Variants in TBC1D4 observed in about 807,000 individuals in gnomAD.
The protein encoded by TBC1D4 is TBC (Tre-2, BUB2, CDC16) domain-containing protein.
In TBC1D4, 121 loss-of-function variants were observed where a neutral mutation model predicts 142.5. The ratio of observed to expected loss-of-function variants is 0.85; its 90% CI spans 0.73 to 0.99. The LOEUF is 0.99. Among genes scored for constraint, TBC1D4 ranks in the 50% least tolerant of loss-of-function variants. The pLI, the probability that TBC1D4 is intolerant of heterozygous loss-of-function variation, is 0.00. For missense variants in TBC1D4, 1,475 were observed against 1,606.6 expected (o/e 0.92, Z 1.40); for synonymous variants, 630 against 628.2 (o/e 1.00, Z -0.04).
intron 1 of TBC1D4, among the ~76,000 whole-genome samples, chr13:75,465,750 T>C (rs1888140053): frequency 6.6e-6 from 1 of 152,188 alleles, no homozygotes; most frequent in Non-Finnish European, 1.5e-5. Flanking sequence ...TCTTTAAGTC[T>C]GACAAGAAAC....
Position 75,292,095 on chromosome 13 carries a change from A to T in TBC1D4, c.3486+7T>A, listed in dbSNP as rs1875365573. The T allele has an allele frequency of 1.9e-6, 3 of 1,607,608 alleles. No homozygotes were observed. The African/African-American group carries it at 4.0e-5, about 21-fold the overall frequency. ...GCTATATAATACTATTAGCATTTAAATCATACCTGGGTAATAATTTTTTCC... is the reference window on the plus strand; with the variant it reads ...GCTATATAATACTATTAGCATTTAATTCATACCTGGGTAATAATTTTTTCC... On this transcript the variant is annotated splice_region_variant and intron_variant, in intron 19 of 20. Transcript: ENST00000377636.
At chr13:75,292,854 T>A (rs1161964373) in intron 18 of TBC1D4, among the ~76,000 whole-genome samples, 1 of 152,154 alleles carries the variant, frequency 6.6e-6, no homozygotes, top group East Asian at 1.9e-4. Context: ...GCAATACTTT[T>A]GAAAAGTATC....
At chr13:75,399,030 G>C (rs1189723299) in intron 1 of TBC1D4, among the ~76,000 whole-genome samples, 1 of 152,150 alleles carries the variant, frequency 6.6e-6, no homozygotes, top group Admixed American at 6.5e-5. Flanking sequence ...AAATTTGGGG[G>C]TACTACACTA....
In TBC1D4 at chr13:75,289,138, T is replaced by C. The variant is rs138989632; in HGVS notation, c.3487-28A>G. 1.8e-5 allele frequency: 29 copies of C among 1,612,532 alleles called. 1 individual carries two copies. In the African/African-American group the frequency reaches 3.5e-4, roughly 19 times the overall value. ...GCCATGAAAGTATCATGGGTTAGGC[T>C]AGCCTTTGGTATGTATAACAAGATA... On this transcript the variant is annotated intron_variant, in intron 19 of 20. Transcript: ENST00000377636.
Position 75,289,117 on chromosome 13 carries a change from T to A in TBC1D4, c.3487-7A>T, listed in dbSNP as rs770118023. 2.5e-6 allele frequency: 4 copies of A among 1,613,558 alleles called. No individual in the cohort carries two copies. The highest frequency in any genetic ancestry group is 3.4e-6 in the Non-Finnish European group (4 of 1,179,728). ...AAATATCCATCTCAAAAACCTGCCA[T>A]GAAAGTATCATGGGTTAGGCTAGCC... On this transcript the variant is annotated splice_region_variant and splice_polypyrimidine_tract_variant and intron_variant, in intron 19 of 20. Coordinates refer to ENST00000377636, the MANE Select transcript of TBC1D4 (RefSeq NM_014832.5).
chr13:75,439,966 G>C (rs996538105), intron 1 of TBC1D4, among the ~76,000 whole-genome samples: 1 of 152,100 alleles, frequency 6.6e-6, no homozygotes. Flanking sequence ...ACTATAAACA[G>C]TACCTTTTAT....
intron 6 of TBC1D4, 57 bp downstream of exon 6, chr13:75,341,439 A>G: frequency 6.5e-7 from 1 of 1,543,736 alleles, no homozygotes; most frequent in Non-Finnish European, 9.0e-7. Context: ...ACGCATAAAA[A>G]CAGGATCCAA....
chr13:75,362,283 C>G lies in TBC1D4; in HGVS notation c.823G>C (p.Asp275His), dbSNP rs774778693. The stretch of plus-strand genomic sequence containing the variant: ...CCGGCAGGTAAGCCAAGGTGGGTGT[C>G]GGTGCCGTCAGCCTCCTCCGGCAGG... ...DCLPEEADGTDTHLGLPAGAS... is the reference protein window; with the variant it reads ...DCLPEEADGTHTHLGLPAGAS... The change falls in exon 2 of 21, where the codon GAC (aspartate) becomes CAC (histidine). Residue 275 changes from aspartate (D) to histidine (H), a missense_variant. Physicochemically the swap from Asp to His is moderately conservative, Grantham distance 81. This residue lies in a region of TBC1D4 where 1,227 missense variants were observed against 1,267.7 expected (regional missense o/e 0.97). Transcript: ENST00000377636. This position sits in a 1 kb window ranked among gnomAD's most constrained non-coding sequence, Gnocchi z 4.2. 6.2e-7 allele frequency: 1 copy of G among 1,613,798 alleles called. No individual in the cohort carries two copies. The highest frequency in any genetic ancestry group is 8.5e-7 in the Non-Finnish European group (1 of 1,179,986).
chr13:75,421,454 T>A (rs1343802119), intron 1 of TBC1D4, among the ~76,000 whole-genome samples: 2 of 152,228 alleles, frequency 1.3e-5, no homozygotes, highest in African/African-American at 4.8e-5. Flanking sequence ...GACTCCTTAG[T>A]AATTTTTTAT....
At chr13:75,463,956 A>G (rs1888071117) in intron 1 of TBC1D4, among the ~76,000 whole-genome samples, 1 of 152,224 alleles carries the variant, frequency 6.6e-6, no homozygotes, top group South Asian at 2.1e-4. Context: ...TACAAGTAAC[A>G]GAAAAACCAA....
At chr13:75,287,210 C>G (rs1874778202) in intron 20 of TBC1D4, among the ~76,000 whole-genome samples, 185 bp from the exon 21 acceptor site, 1 of 152,140 alleles carries the variant, frequency 6.6e-6, no homozygotes, top group South Asian at 2.1e-4. Context: ...AACTACCATG[C>G]TTCATCTCTT....
At chr13:75,373,853 C>T (rs770574700) in intron 1 of TBC1D4, among the ~76,000 whole-genome samples, 1 of 152,096 alleles carries the variant, frequency 6.6e-6, no homozygotes, top group Non-Finnish European at 1.5e-5. Context: ...ATCAAACGCT[C>T]CCTTCCCTCC....
At chr13:75,456,282 T>C (rs1247961096) in intron 1 of TBC1D4, among the ~76,000 whole-genome samples, 1 of 152,230 alleles carries the variant, frequency 6.6e-6, no homozygotes, top group Non-Finnish European at 1.5e-5. Flanking sequence ...AAGCAATGAT[T>C]TCCTAGAAAG....
At chr13:75,413,136 T>C in intron 1 of TBC1D4, among the ~76,000 whole-genome samples, 1 of 152,004 alleles carries the variant, frequency 6.6e-6, no homozygotes, top group Non-Finnish European at 1.5e-5. Context: ...AGGTCAAAGG[T>C]GACCACTCAG....
intron 20 of TBC1D4, among the ~76,000 whole-genome samples, chr13:75,288,077 T>C (rs191719457): frequency 2.6e-5 from 4 of 152,314 alleles, no homozygotes; most frequent in African/African-American, 4.8e-5. Flanking sequence ...TCTTATTGCA[T>C]GTATAAGTGT....
chr13:75,390,062 G>C (rs1166655758), intron 1 of TBC1D4, among the ~76,000 whole-genome samples: 2 of 152,024 alleles, frequency 1.3e-5, no homozygotes, highest in East Asian at 1.9e-4. Flanking sequence ...GATCAGTTGG[G>C]GTCAGGAGTT....
chr13:75,330,041 T>C (rs989601068), intron 8 of TBC1D4, among the ~76,000 whole-genome samples: 4 of 152,246 alleles, frequency 2.6e-5, no homozygotes, highest in African/African-American at 7.2e-5. Flanking sequence ...TCTTTAGCTC[T>C]GAGAAATTTT....
chr13:75,327,696 T>C (rs535939748), intron 9 of TBC1D4, 56 bp downstream of exon 9: 19 of 1,516,810 alleles, frequency 1.3e-5, no homozygotes, highest in South Asian at 5.6e-5. Context: ...CATATTACCA[T>C]ATCGGTGCTG....
chr13:75,369,531 A>T (rs1883111815), intron 1 of TBC1D4, among the ~76,000 whole-genome samples: 1 of 144,490 alleles, frequency 6.9e-6, no homozygotes, highest in Non-Finnish European at 1.5e-5. Context: ...ACACAATCAA[A>T]ATTATTATTT....
Sources: allele counts gnomAD v4.1 joint callset (sites outside exome capture counted in the v4.1 genomes callset), GRCh38; gene constraint gnomAD v4.1.1; regional missense constraint gnomAD v4.1.1; non-coding constraint Gnocchi (gnomAD v3.1); transcripts MANE v1.5; gene names NCBI Gene and HGNC (gene_info 2026-07-23, HGNC 2026-07-21).